Variants in TLE3 observed in about 807,000 individuals in gnomAD.
TLE3 encodes transducin-like enhancer protein 3.
Under a neutral mutation model 93.0 loss-of-function variants are expected in TLE3, and 14 were observed. The ratio of observed to expected loss-of-function variants is 0.15; its 90% CI spans 0.10 to 0.24. The LOEUF (loss-of-function observed/expected upper bound fraction) is 0.24, where lower values mean the gene tolerates loss of function less well. TLE3 is among the 10% of genes least tolerant of loss of function. The pLI is 1.00. For synonymous variants in TLE3, 451 were observed against 425.0 expected (o/e 1.06, Z -0.75); for missense variants, 693 against 1,046.6 (o/e 0.66, Z 4.66).
At chr15:70,093,394 C>T (rs2058393016) in intron 4 of TLE3, among the ~76,000 whole-genome samples, 1 of 152,216 alleles carries the variant, frequency 6.6e-6, no homozygotes, top group African/African-American at 2.4e-5. Context: ...GGGTCACCTG[C>T]CCTTCTCACC....
At chr15:70,059,353 G>A in intron 10 of TLE3, 57 bp downstream of exon 10, 1 of 1,560,116 alleles carries the variant, frequency 6.4e-7, no homozygotes, top group Non-Finnish European at 8.7e-7. Flanking sequence ...CCCTGGGGAG[G>A]AATAATTCCA....
chr15:70,087,470 T>C (rs1051537172), intron 4 of TLE3, among the ~76,000 whole-genome samples: 11 of 152,244 alleles, frequency 7.2e-5, no homozygotes, highest in Non-Finnish European at 1.6e-4. Flanking sequence ...CTATAATATC[T>C]GGAAGATCAA....
intron 6 of TLE3, chr15:70,066,922 A>C (rs2056850437): frequency 2.6e-6 from 1 of 386,906 alleles, no homozygotes; most frequent in Non-Finnish European, 5.3e-6. Flanking sequence ...CAAGTCCTGG[A>C]GCCTCAAATT....
rs2058631308 is a variant in TLE3, at chr15:70,097,779, A to G, written c.-981T>C. 2.6e-6 allele frequency: 1 copy of G among 382,312 alleles called. No homozygotes were observed. The highest frequency in any genetic ancestry group is 4.6e-6 in the Non-Finnish European group (1 of 216,740). 23.7% of individuals were successfully genotyped at this position (382,312 alleles called of 1,614,324 possible). The stretch of plus-strand genomic sequence containing the variant: ...GCAAACCCCCAAAACACACACACCC[A>G]ACACACACACACGCGCGCACGCACA... On this transcript the variant is annotated 5_prime_UTR_variant, in exon 1 of 20. Coordinates refer to ENST00000451782, the MANE Select transcript of TLE3 (RefSeq NM_001105192.3).
At chr15:70,064,406 C>T (rs1233443717) in intron 8 of TLE3, 48 bp downstream of exon 8, 2 of 1,611,220 alleles carry the variant, frequency 1.2e-6, no homozygotes, top group East Asian at 2.2e-5. Flanking sequence ...GTCCCACCTC[C>T]TCCCAGCACC....
intron 4 of TLE3, among the ~76,000 whole-genome samples, chr15:70,087,272 G>A (rs1328208849): frequency 6.6e-6 from 1 of 152,130 alleles, no homozygotes; most frequent in Non-Finnish European, 1.5e-5. Flanking sequence ...CCCAATTTGA[G>A]AACACAGCCC....
In TLE3 at chr15:70,057,850, C is replaced by T. The variant is rs969014556; in HGVS notation, c.1052-192G>A. 4 of 758,768 alleles carry T rather than the reference C, an allele frequency of 5.3e-6. No homozygotes were observed. In the African/African-American group the frequency reaches 5.3e-5, roughly 10 times the overall value. 47.0% of individuals were successfully genotyped at this position (758,768 alleles called of 1,614,324 possible). Reference sequence around the variant, plus strand: ...CTTAGAGCTTGGCAGATGCACCCACCTCTTTTTACAGAGCAGGATATGGAG... The same window carrying T: ...CTTAGAGCTTGGCAGATGCACCCACTTCTTTTTACAGAGCAGGATATGGAG... On this transcript the variant is annotated intron_variant, in intron 12 of 19. Coordinates refer to ENST00000451782, the MANE Select transcript of TLE3 (RefSeq NM_001105192.3).
rs616487 is a variant in TLE3, at chr15:70,050,315, T to C, written c.2203-111A>G. On this transcript the variant is annotated intron_variant, in intron 19 of 19. Coordinates refer to ENST00000451782, the MANE Select transcript of TLE3 (RefSeq NM_001105192.3). The stretch of plus-strand genomic sequence containing the variant: ...ACCATCTCGGTTCTCTCGGCAACAA[T>C]TGCCCTCCTCTGCCCCTCTCTGATG... 5,757 of 837,008 alleles carry C rather than the reference T, an allele frequency of 6.9e-3. 220 individuals carry two copies. The African/African-American group carries it at 0.083, about 12-fold the overall frequency. 51.8% of individuals were successfully genotyped at this position (837,008 alleles called of 1,614,324 possible).
chr15:70,059,273 C>T, intron 10 of TLE3, 137 bp downstream of exon 10: 2 of 1,031,196 alleles, frequency 1.9e-6, no homozygotes, highest in East Asian at 2.7e-5. Context: ...CCCCCTGAGA[C>T]CCCAAGACTG....
Position 70,057,893 on chromosome 15 carries a change from T to TA in TLE3, c.1052-236dup, listed in dbSNP as rs1057318097. On this transcript the variant is annotated intron_variant, in intron 12 of 19. Coordinates refer to ENST00000451782, the MANE Select transcript of TLE3 (RefSeq NM_001105192.3). The stretch of plus-strand genomic sequence containing the variant: ...ATATGGAGGCCCAAATGGGCTTGCT[T>TA]AGAGCCTCACTGGACTAATGACAGG... The TA allele has an allele frequency of 7.0e-6, 5 of 715,092 alleles. No homozygotes were observed. In the Admixed American group the frequency reaches 1.2e-4, roughly 17 times the overall value. The allele number at this position is 715,092 out of a possible 1,614,324, so 44.3% of individuals were successfully genotyped here. A position where few individuals can be genotyped will look rare whatever the true frequency, so the allele number is the denominator to read the frequency against.
At chr15:70,080,217 A>G (rs1424312106) in intron 4 of TLE3, among the ~76,000 whole-genome samples, 1 of 152,158 alleles carries the variant, frequency 6.6e-6, no homozygotes, top group Non-Finnish European at 1.5e-5. Context: ...GCCGACCTCC[A>G]TCCTTCCCTC....
intron 3 of TLE3, chr15:70,094,827 C>T: frequency 4.0e-6 from 2 of 496,848 alleles, no homozygotes. Context: ...CCCACAAGCA[C>T]CACATGTGCC....
Position 70,097,201 on chromosome 15 carries a change from C to A in TLE3, c.-403G>T, listed in dbSNP as rs2058607184. ...GGCCCCTCCTGGGGCGAGCTCGGGCCCCCTCCGGGTCACTCAGCGGGTCGC... is the reference window on the plus strand; with the variant it reads ...GGCCCCTCCTGGGGCGAGCTCGGGCACCCTCCGGGTCACTCAGCGGGTCGC... On this transcript the variant is annotated 5_prime_UTR_variant, in exon 1 of 20. Transcript: ENST00000451782. 4.9e-6 allele frequency: 2 copies of A among 408,518 alleles called. No homozygotes were observed. The highest frequency in any genetic ancestry group is 4.3e-6 in the Non-Finnish European group (1 of 234,268). The allele number at this position is 408,518 out of a possible 1,614,324, so 25.3% of individuals were successfully genotyped here.
chr15:70,069,042 A>G lies in TLE3; in HGVS notation c.373-2824T>C, dbSNP rs1387322950. On this transcript the variant is annotated intron_variant, in intron 6 of 19. Transcript: ENST00000451782. ...GAGCAGGTGCTCAATCTTAGCAAAC[A>G]GACAGATCCCAGGTGTACACTGTTT... Among the ~76,000 whole-genome samples, 3 of 152,238 alleles carry G rather than the reference A, an allele frequency of 2.0e-5. No homozygotes were observed. In the East Asian group the frequency reaches 5.8e-4, roughly 29 times the overall value.
chr15:70,095,813 G>T, intron 2 of TLE3, 172 bp from the exon 3 acceptor site: 1 of 777,656 alleles, frequency 1.3e-6, no homozygotes, highest in Non-Finnish European at 2.0e-6. Flanking sequence ...GCCGTGGGGA[G>T]GGGGATGTGA....
intron 18 of TLE3, 36 bp from the exon 19 acceptor site, chr15:70,051,503 G>C: frequency 1.3e-6 from 2 of 1,573,542 alleles, no homozygotes; most frequent in Non-Finnish European, 1.7e-6. Flanking sequence ...TCAGGTTGTA[G>C]CTCACTGCCC....
At chr15:70,081,120 T>A (rs2057756767) in intron 4 of TLE3, among the ~76,000 whole-genome samples, 1 of 152,190 alleles carries the variant, frequency 6.6e-6, no homozygotes, top group Admixed American at 6.5e-5. Context: ...GGCTTCTACC[T>A]CCAATTCTGC....
chr15:70,051,270 C>T, intron 19 of TLE3, 121 bp downstream of exon 19: 1 of 974,468 alleles, frequency 1.0e-6, no homozygotes, highest in Admixed American at 2.6e-5. Flanking sequence ...GGGACCAGGG[C>T]AGGTCTGATC....
chr15:70,074,839 C>G (rs887393669), intron 5 of TLE3, among the ~76,000 whole-genome samples: 1 of 152,192 alleles, frequency 6.6e-6, no homozygotes, highest in African/African-American at 2.4e-5. Context: ...CTTTTAAGTT[C>G]TAAAACAAAG....
Sources: allele counts gnomAD v4.1 joint callset (sites outside exome capture counted in the v4.1 genomes callset), GRCh38; gene constraint gnomAD v4.1.1; transcripts MANE v1.5; gene names NCBI Gene and HGNC (gene_info 2026-07-23, HGNC 2026-07-21).